C1orf167: variants seen among roughly 807,000 people sequenced by gnomAD.
The protein encoded by C1orf167 is chromosome 1 open reading frame 167, also known as uncharacterized protein C1orf167.
A neutral mutation model predicts 176.5 loss-of-function variants in C1orf167; 153 were observed. That is an observed-to-expected ratio of 0.87 (90% confidence interval 0.76 to 0.99). The LOEUF is 0.99. Among genes scored for constraint, C1orf167 ranks in the 50% least tolerant of loss-of-function variants. C1orf167 has a pLI of 0.00. For missense variants in C1orf167, 1,490 were observed against 1,817.7 expected (o/e 0.82, Z 3.28); for synonymous variants, 594 against 752.7 (o/e 0.79, Z 3.45).
chr1:11,766,910 G>C lies in C1orf167; in HGVS notation c.1124G>C (p.Arg375Pro), dbSNP rs868445648. 17 of 1,229,190 alleles carry C rather than the reference G, an allele frequency of 1.4e-5. No homozygotes were observed. The highest frequency in any genetic ancestry group is 1.6e-5 in the African/African-American group (1 of 64,338). 76.1% of individuals were successfully genotyped at this position (1,229,190 alleles called of 1,614,324 possible). A position where few individuals can be genotyped will look rare whatever the true frequency, so the allele number is the denominator to read the frequency against. The change falls in exon 3 of 21, where the codon CGA (arginine) becomes CCA (proline). Residue 375 changes from arginine to proline, a missense_variant. By Grantham distance (103) the Arg-to-Pro change is moderately radical. Transcript: ENST00000688073. The surrounding 1 kb of genome is among the most constrained non-coding windows in gnomAD (Gnocchi z 4.5). ...RAQRGDPSLP[R>P]GVGSRGTDPC... ...CAGAGGGGTGACCCCAGTCTCCCTC[G>C]AGGGGTGGGAAGCAGGGGGACCGAC... is the stretch of plus-strand genomic sequence containing the variant.
chr1:11,772,904 A>ATTATTATTATTATTAGTATTATTATTATT (rs56228938), intron 8 of C1orf167, among the ~76,000 whole-genome samples: 1 of 146,426 alleles, frequency 6.8e-6, no homozygotes, highest in Admixed American at 6.8e-5. Context: ...CATTATTATT[A>ATTATTATTATTATTAGTATTATTATTATT]TTATTATTAT....
intron 16 of C1orf167, among the ~76,000 whole-genome samples, chr1:11,785,528 G>T (rs1329086992): frequency 6.6e-6 from 1 of 152,162 alleles, no homozygotes; most frequent in Non-Finnish European, 1.5e-5. Flanking sequence ...CCTCTCCCCA[G>T]TTCTCAGTCA....
At chr1:11,776,726 G>T (rs568760837) in intron 10 of C1orf167, 88 bp downstream of exon 10, 1 of 1,098,016 alleles carries the variant, frequency 9.1e-7, no homozygotes, top group Non-Finnish European at 1.2e-6. Context: ...GGAGGAATGC[G>T]GGAGGAATAT....
Position 11,768,921 on chromosome 1 carries a change from T to C in C1orf167, c.1543-52T>C. 1.0e-6 allele frequency: 1 copy of C among 985,116 alleles called. No homozygotes were observed. Among genetic ancestry groups the C allele is most frequent in the Non-Finnish European group, 1.2e-6 (1 of 829,186 alleles). 61.0% of individuals were successfully genotyped at this position (985,116 alleles called of 1,614,324 possible). A position where few individuals can be genotyped will look rare whatever the true frequency, so the allele number is the denominator to read the frequency against. On this transcript the variant is annotated intron_variant, in intron 5 of 20. Transcript: ENST00000688073. This position sits in a 1 kb window ranked among gnomAD's most constrained non-coding sequence, Gnocchi z 4.5. ...TCCCCGCCCCTGCCTGGTGTTCCCT[T>C]GGGAGGCAGATTCAAGGCCAACATC... is the stretch of plus-strand genomic sequence containing the variant.
In C1orf167 at chr1:11,768,248, G is replaced by T; in HGVS notation, c.1515G>T (p.Lys505Asn). The T allele has an allele frequency of 7.8e-7, 1 of 1,289,954 alleles. No individual in the cohort carries two copies. The highest frequency in any genetic ancestry group is 1.2e-5 in the South Asian group (1 of 81,026). The allele number at this position is 1,289,954 out of a possible 1,614,324, so 79.9% of individuals were successfully genotyped here. The change falls in exon 5 of 21, where the codon AAG becomes AAT. Residue 505 changes from lysine to asparagine, a missense_variant. Physicochemically the swap from Lys to Asn is moderately conservative, Grantham distance 94. Transcript: ENST00000688073. This position sits in a 1 kb window ranked among gnomAD's most constrained non-coding sequence, Gnocchi z 4.5. The part of the protein sequence containing the change: ...QLEAAWGQYT[K>N]VLLVRSFREW... ...AGGCAGCATGGGGGCAGTACACAAA[G>T]GTTCTGCTGGTCCGGAGCTTCCGAG...
chr1:11,789,037 G>T, intron 20 of C1orf167: 1 of 401,042 alleles, frequency 2.5e-6, no homozygotes, highest in Non-Finnish European at 4.7e-6. Flanking sequence ...GAGGGCCTGG[G>T]TCCTGAGCGC....
In C1orf167 at chr1:11,771,662, G is replaced by A. The variant is rs1054049720; in HGVS notation, c.1810+26G>A. The A allele has an allele frequency of 2.5e-5, 32 of 1,282,654 alleles. No individual in the cohort carries two copies. In the East Asian group the frequency reaches 8.9e-4, roughly 36 times the overall value. The allele number at this position is 1,282,654 out of a possible 1,614,324, so 79.5% of individuals were successfully genotyped here. A position where few individuals can be genotyped will look rare whatever the true frequency, so the allele number is the denominator to read the frequency against. ...GTGAGACGTGGGGTGCTGGGAAAGC[G>A]GGGAGATGGAGCCTGGCCACGCAGG... On this transcript the variant is annotated intron_variant, in intron 7 of 20. Transcript: ENST00000688073.
intron 16 of C1orf167, 101 bp from the exon 17 acceptor site, chr1:11,787,287 G>A (rs557355095): frequency 2.4e-5 from 14 of 581,796 alleles, no homozygotes; most frequent in East Asian, 1.6e-4. Context: ...GGAAGAGGCC[G>A]GGATGTGTCC....
chr1:11,764,031 A>G (rs557224283), intron 1 of C1orf167, among the ~76,000 whole-genome samples: 1 of 152,332 alleles, frequency 6.6e-6, no homozygotes, highest in East Asian at 1.9e-4. Flanking sequence ...GATGCCTGTT[A>G]GACATCCGGG....
At position 11,765,053 on chromosome 1, in the gene C1orf167, CAAAAAAAAAA is replaced by C. The variant is rs376686533; in HGVS notation, c.70+598_70+607del. 4.1e-3 allele frequency among the ~76,000 whole-genome samples: 278 copies of C among 67,466 alleles called. 3 individuals carry two copies. Among genetic ancestry groups the C allele is most frequent in the African/African-American group, 0.019 (270 of 13,908 alleles). 44.3% of individuals were successfully genotyped at this position (67,466 alleles called of 152,430 possible). The stretch of plus-strand genomic sequence containing the variant: ...TGAGCCACAGAGCAAGACTCTGTCT[CAAAAAAAAAA>C]AAAAAAAAAAAAAAGAAAGCCACAG... On this transcript the variant is annotated intron_variant, in intron 2 of 20. Coordinates refer to ENST00000688073, the MANE Select transcript of C1orf167 (RefSeq NM_001010881.2).
At chr1:11,788,528 A>T in intron 19 of C1orf167, 124 bp from the exon 20 acceptor site, 1 of 1,113,926 alleles carries the variant, frequency 9.0e-7, no homozygotes. Context: ...TACTCCTCAG[A>T]TGACACCCCC....
intron 14 of C1orf167, among the ~76,000 whole-genome samples, 188 bp from the exon 15 acceptor site, chr1:11,783,986 T>C (rs1643714343): frequency 6.6e-6 from 1 of 152,122 alleles, no homozygotes. Context: ...GACTCCCAAG[T>C]AGCTGGGATT....
intron 10 of C1orf167, 136 bp from the exon 11 acceptor site, chr1:11,778,524 C>T (rs1371741546): frequency 5.5e-6 from 4 of 732,148 alleles, no homozygotes; most frequent in Non-Finnish European, 7.7e-6. Context: ...GGAACGCTAG[C>T]CCAGCGTCTG....
At chr1:11,764,499 A>G (rs4845879) in intron 2 of C1orf167, 29 bp downstream of exon 2, 827,329 of 1,286,928 alleles carry the variant, frequency 0.64, 269,863 homozygotes, top group Admixed American at 0.77. Context: ...CTGGATGGGC[A>G]GTTACAGGAG....
intron 8 of C1orf167, among the ~76,000 whole-genome samples, chr1:11,774,785 A>T (rs1221694622): frequency 5.3e-5 from 8 of 152,206 alleles, no homozygotes; most frequent in Non-Finnish European, 8.8e-5. Flanking sequence ...CTGGAGGATT[A>T]GCAGGTGACT....
chr1:11,774,187 G>A (rs1643207198), intron 8 of C1orf167, among the ~76,000 whole-genome samples: 1 of 152,020 alleles, frequency 6.6e-6, no homozygotes, highest in East Asian at 1.9e-4. Context: ...TTACAGGTGT[G>A]AGCTACCATG....
intron 14 of C1orf167, 41 bp downstream of exon 14, chr1:11,782,374 C>G: frequency 3.3e-6 from 4 of 1,194,644 alleles, no homozygotes; most frequent in Non-Finnish European, 4.3e-6. Flanking sequence ...GTCCTCCCCA[C>G]GCAAGGAATA....
At chr1:11,764,119 G>A (rs1187507725) in intron 1 of C1orf167, among the ~76,000 whole-genome samples, 2 of 152,280 alleles carry the variant, frequency 1.3e-5, no homozygotes, top group African/African-American at 2.4e-5. Context: ...GGGCAGGATG[G>A]GGCAGCATTT....
At position 11,766,576 on chromosome 1, in the gene C1orf167, G is replaced by A. The variant is rs1642807950; in HGVS notation, c.790G>A (p.Gly264Ser). Residue 264 changes from glycine (G) to serine (S), a missense_variant, in exon 3 of 21, where the codon GGT becomes AGT. Transcript: ENST00000688073. The surrounding 1 kb of genome is among the most constrained non-coding windows in gnomAD (Gnocchi z 4.5). ...LRCQAPQEPP[G>S]AVQQDLWTGG... ...GTGCCAGGCTCCCCAGGAACCCCCC[G>A]GTGCTGTGCAGCAGGACCTCTGGAC... 8.7e-6 allele frequency: 11 copies of A among 1,262,208 alleles called. No individual in the cohort carries two copies. The highest frequency in any genetic ancestry group is 1.5e-5 in the African/African-American group (1 of 65,394). 78.2% of individuals were successfully genotyped at this position (1,262,208 alleles called of 1,614,324 possible).
Sources: gnomAD v4.1 joint callset for allele counts (sites outside exome capture counted in the v4.1 genomes callset) on GRCh38, gnomAD v4.1.1 for gene constraint, Gnocchi (gnomAD v3.1) non-coding constraint, MANE v1.5 for transcripts, NCBI Gene and HGNC (gene_info 2026-07-23, HGNC 2026-07-21) for gene names.